Variants in CCDC47 observed in about 807,000 individuals in gnomAD.
CCDC47 encodes the protein coiled-coil domain containing 47.
In CCDC47, 41 loss-of-function variants were observed where a neutral mutation model predicts 60.5. That is an observed-to-expected ratio of 0.68 (90% CI 0.53 to 0.88). The LOEUF is 0.88. CCDC47 is among the 40% of genes least tolerant of loss of function. The pLI is 0.00. For synonymous variants in CCDC47, 195 were observed against 190.7 expected (o/e 1.02, Z -0.18); for missense variants, 513 against 580.9 (o/e 0.88, Z 1.20).
chr17:63,749,369 T>C (rs537376044), intron 12 of CCDC47, among the ~76,000 whole-genome samples: 1 of 147,420 alleles, frequency 6.8e-6, no homozygotes, highest in African/African-American at 2.5e-5. Flanking sequence ...GCACTCTGCC[T>C]GGGCAACACA....
chr17:63,766,147 A>C lies in CCDC47; in HGVS notation c.29T>G (p.Val10Gly), dbSNP rs1030039819. 1 of 1,613,868 alleles carries C rather than the reference A, an allele frequency of 6.2e-7. No homozygotes were observed. Among genetic ancestry groups the C allele is most frequent in the Non-Finnish European group, 8.5e-7 (1 of 1,179,978 alleles). The change falls in exon 2 of 13, where the codon GTC becomes GGC. Residue 10 changes from valine (V) to glycine (G), a missense_variant. Transcript: ENST00000225726. MKAFHTFCV[V>G]LLVFGSVSEA... The stretch of plus-strand genomic sequence containing the variant: ...AGAGACACTCCCAAACACCAGAAGG[A>C]CAACACAGAAAGTGTGGAAGGCTTT...
chr17:63,749,453 GAAAAAAA>G (rs34119562), intron 12 of CCDC47, among the ~76,000 whole-genome samples: 1 of 101,296 alleles, frequency 9.9e-6, no homozygotes, highest in Non-Finnish European at 2.1e-5. Flanking sequence ...CCAGAATAAG[GAAAAAAA>G]AAAAAAAAAA....
At chr17:63,754,852 C>T (rs894942790) in intron 8 of CCDC47, among the ~76,000 whole-genome samples, 6 of 148,364 alleles carry the variant, frequency 4.0e-5, no homozygotes, top group Middle Eastern at 7.2e-3. Context: ...CACTGTACTC[C>T]GGTCTGGGCG....
At position 63,754,536 on chromosome 17, in the gene CCDC47, A is replaced by C. The variant is rs1189221242; in HGVS notation, c.949-18T>G. 6.5e-7 allele frequency: 1 copy of C among 1,528,480 alleles called. No homozygotes were observed. The highest frequency in any genetic ancestry group is 9.0e-7 in the Non-Finnish European group (1 of 1,116,384). 94.7% of individuals were successfully genotyped at this position (1,528,480 alleles called of 1,614,324 possible). ...TGAACCATCTGAAAAAAAGAAAATA[A>C]TATTTTTTAAAAGCAAGGTTTAATG... On this transcript the variant is annotated intron_variant, in intron 8 of 12. Coordinates refer to ENST00000225726, the MANE Select transcript of CCDC47 (RefSeq NM_020198.3).
intron 6 of CCDC47, among the ~76,000 whole-genome samples, chr17:63,760,626 G>A (rs1240761994): frequency 1.3e-5 from 2 of 152,124 alleles, no homozygotes; most frequent in African/African-American, 4.8e-5. Context: ...ATCACTTGAG[G>A]TCAGGAGTTC....
intron 1 of CCDC47, among the ~76,000 whole-genome samples, chr17:63,772,516 G>A (rs1002428370): frequency 2.0e-5 from 3 of 152,002 alleles, no homozygotes; most frequent in Non-Finnish European, 4.4e-5. Flanking sequence ...GCCTCCCAAA[G>A]TGCTGGGATT....
rs1261980453 is a variant in CCDC47, at chr17:63,752,748, T to C, written c.1086A>G (p.Thr362=). ...AGGACCCAGAATACTTACCATTAAA[T>C]GTAAACAACAGTGTCCTCTTAGTGT... ...LPDTKRTLLF[T]FNVPGSGNTY... Residue 362 remains threonine, a synonymous_variant, in exon 10 of 13, where the codon ACA becomes ACG. Transcript: ENST00000225726. 1.2e-6 allele frequency: 2 copies of C among 1,611,744 alleles called. No individual in the cohort carries two copies. Among genetic ancestry groups the C allele is most frequent in the Non-Finnish European group, 1.7e-6 (2 of 1,179,084 alleles).
intron 9 of CCDC47, among the ~76,000 whole-genome samples, chr17:63,753,943 T>C (rs1263871805): frequency 2.0e-5 from 3 of 152,040 alleles, no homozygotes; most frequent in African/African-American, 4.8e-5. Flanking sequence ...CCATCTCTAC[T>C]AAAAATACAA....
At chr17:63,767,928 C>A (rs556163670) in intron 1 of CCDC47, among the ~76,000 whole-genome samples, 41 of 152,224 alleles carry the variant, frequency 2.7e-4, no homozygotes, top group Non-Finnish European at 4.9e-4. Flanking sequence ...AATCTATCAG[C>A]CATCAAATCC....
At chr17:63,748,993 G>A (rs1181384520) in intron 12 of CCDC47, among the ~76,000 whole-genome samples, 3 of 147,700 alleles carry the variant, frequency 2.0e-5, no homozygotes, top group African/African-American at 7.5e-5. Context: ...CAGCCTGGGC[G>A]ACAGAGTGAG....
intron 1 of CCDC47, among the ~76,000 whole-genome samples, chr17:63,769,485 G>A (rs371188968): frequency 6.6e-6 from 1 of 150,608 alleles, no homozygotes; most frequent in South Asian, 2.1e-4. Context: ...ATGGTGACAG[G>A]CGCCTGTAAT....
At position 63,746,973 on chromosome 17, in the gene CCDC47, AG is replaced by A. The variant is rs2039124977; in HGVS notation, c.1372-13del. ...CTCAATGCAGCCTCCTAGAGAAAGA[AG>A]GGGTAATAAATAGAGAAAGGGAGTG... On this transcript the variant is annotated splice_polypyrimidine_tract_variant and intron_variant, in intron 12 of 12. Coordinates refer to ENST00000225726, the MANE Select transcript of CCDC47 (RefSeq NM_020198.3). The A allele has an allele frequency of 6.2e-7, 1 of 1,612,760 alleles. No individual in the cohort carries two copies. Among genetic ancestry groups the A allele is most frequent in the African/African-American group, 1.3e-5 (1 of 74,926 alleles).
At position 63,765,973 on chromosome 17, in the gene CCDC47, G is replaced by A; in HGVS notation, c.203C>T (p.Thr68Ile). ...TTCATCCTGCCCTTCCAACTCCACA[G>A]TGGTCTCATCTTCATCATCTTCAGT... The part of the protein sequence containing the change: ...IITEDDEDET[T>I]VELEGQDENQ... The change falls in exon 2 of 13, where the codon ACT becomes ATT. Residue 68 changes from threonine to isoleucine, a missense_variant. Transcript: ENST00000225726. The A allele has an allele frequency of 6.2e-7, 1 of 1,614,052 alleles. No homozygotes were observed. Among genetic ancestry groups the A allele is most frequent in the Non-Finnish European group, 8.5e-7 (1 of 1,180,002 alleles).
chr17:63,750,777 C>T (rs564393155), intron 12 of CCDC47, among the ~76,000 whole-genome samples: 35 of 151,892 alleles, frequency 2.3e-4, no homozygotes, highest in Middle Eastern at 6.8e-3. Context: ...TTAGTAGAGA[C>T]GGGGTTTCAG....
intron 1 of CCDC47, among the ~76,000 whole-genome samples, chr17:63,772,109 A>G (rs753397174): frequency 1.2e-4 from 18 of 151,868 alleles, no homozygotes; most frequent in Admixed American, 2.6e-4. Context: ...ATAAAATAAA[A>G]TGTCAGCTCT....
At chr17:63,769,330 T>C (rs1427939599) in intron 1 of CCDC47, among the ~76,000 whole-genome samples, 1 of 151,252 alleles carries the variant, frequency 6.6e-6, no homozygotes, top group Admixed American at 6.6e-5. Context: ...AGAAAAAGGT[T>C]TGGCTGTGTG....
rs2039284340 is a variant in CCDC47 at position 63,764,637 on chromosome 17, C to T, written c.372+103G>A. ...TGATGTCAAGCTCCTTCTCAGCTCC[C>T]ACTATTGCATTAACACCAGCTATAC... On this transcript the variant is annotated intron_variant, in intron 3 of 12. Coordinates refer to ENST00000225726, the MANE Select transcript of CCDC47 (RefSeq NM_020198.3). 19 of 958,094 alleles carry T rather than the reference C, an allele frequency of 2.0e-5. No homozygotes were observed. In the South Asian group the frequency reaches 3.3e-4, roughly 17 times the overall value. The allele number at this position is 958,094 out of a possible 1,614,324, so 59.3% of individuals were successfully genotyped here.
At chr17:63,765,868 G>A (rs1280617769) in intron 2 of CCDC47, 44 bp downstream of exon 2, 3 of 1,558,304 alleles carry the variant, frequency 1.9e-6, no homozygotes, top group Non-Finnish European at 2.6e-6. Context: ...TGGGAAAGGT[G>A]CTAGTTACAA....
At chr17:63,750,312 G>A (rs558318084) in intron 12 of CCDC47, among the ~76,000 whole-genome samples, 1 of 152,232 alleles carries the variant, frequency 6.6e-6, no homozygotes, top group African/African-American at 2.4e-5. Flanking sequence ...AAAGAAGACT[G>A]CATAAACACA....
Sources: allele counts gnomAD v4.1 joint callset (sites outside exome capture counted in the v4.1 genomes callset), GRCh38; gene constraint gnomAD v4.1.1; transcripts MANE v1.5; gene names NCBI Gene and HGNC (gene_info 2026-07-23, HGNC 2026-07-21).